TAB2: variants seen among roughly 807,000 people sequenced by gnomAD.
TAB2 encodes the protein TGF-beta-activated kinase 1 and MAP3K7-binding protein 2.
Under a neutral mutation model 65.0 loss-of-function variants are expected in TAB2, and 3 were observed. The observed-to-expected ratio is 0.05, with a 90% confidence interval of 0.02 to 0.12. The LOEUF (loss-of-function observed/expected upper bound fraction) is 0.12. Ranked by LOEUF, TAB2 falls within the 10% of genes least tolerant of loss-of-function variation. TAB2 has a pLI of 1.00. For missense variants in TAB2, 623 were observed against 840.3 expected, an observed-to-expected ratio of 0.74 and a Z score of 3.20; for synonymous variants, 298 against 285.1, an observed-to-expected ratio of 1.05 and a Z score of -0.46.
At chr6:149,303,348 A>G (rs1779002348) in intron 1 of TAB2, among the ~76,000 whole-genome samples, 1 of 152,194 alleles carries the variant, frequency 6.6e-6, no homozygotes, top group South Asian at 2.1e-4. Flanking sequence ...ACCGGTCCCT[A>G]GTGCTAAAAA....
chr6:149,321,797 G>C (rs1019895980), intron 1 of TAB2, among the ~76,000 whole-genome samples: 1 of 152,132 alleles, frequency 6.6e-6, no homozygotes, highest in Non-Finnish European at 1.5e-5. Flanking sequence ...AATTGTGTAT[G>C]TTATATGAAT....
chr6:149,350,127 T>C (rs1213780787), intron 1 of TAB2, among the ~76,000 whole-genome samples: 1 of 152,110 alleles, frequency 6.6e-6, no homozygotes, highest in Non-Finnish European at 1.5e-5. Flanking sequence ...AGACAGGGTT[T>C]CACCATGTTG....
chr6:149,290,420 C>T (rs751719415), intron 1 of TAB2, among the ~76,000 whole-genome samples: 1 of 152,214 alleles, frequency 6.6e-6, no homozygotes, highest in Admixed American at 6.5e-5. Context: ...ACAATTATCA[C>T]CATCCTATAG....
At chr6:149,335,622 C>CT (rs1200807340) in intron 1 of TAB2, among the ~76,000 whole-genome samples, 1 of 152,058 alleles carries the variant, frequency 6.6e-6, no homozygotes, top group Non-Finnish European at 1.5e-5. Context: ...GATCCTCTTG[C>CT]TTTGGTCTCC....
At chr6:149,335,511 A>C (rs1338785264) in intron 1 of TAB2, among the ~76,000 whole-genome samples, 1 of 151,872 alleles carries the variant, frequency 6.6e-6, no homozygotes, top group Non-Finnish European at 1.5e-5. Context: ...GGGACTACAG[A>C]CACCAGCCAC....
Position 149,303,341 on chromosome 6 carries a change from G to A in TAB2, c.-120-74677G>A, listed in dbSNP as rs56001917. Reference sequence around the variant, plus strand: ...TGGAAAAACTGTCTTCCACAAAACCGGTCCCTAGTGCTAAAAATGTTGAGG... The same window carrying A: ...TGGAAAAACTGTCTTCCACAAAACCAGTCCCTAGTGCTAAAAATGTTGAGG... On this transcript the variant is annotated intron_variant, in intron 1 of 1. Coordinates refer to the TAB2 transcript ENST00000606202. Among the ~76,000 whole-genome samples, 397 of 152,168 alleles carry A rather than the reference G, an allele frequency of 2.6e-3. 3 individuals carry two copies. The highest frequency in any genetic ancestry group is 8.4e-3 in the African/African-American group (350 of 41,530).
intron 1 of TAB2, among the ~76,000 whole-genome samples, chr6:149,233,192 G>C (rs943599552): frequency 9.9e-5 from 15 of 152,240 alleles, no homozygotes; most frequent in Middle Eastern, 3.4e-3. Flanking sequence ...CTACCTGGCG[G>C]GGGGTGAGAA....
chr6:149,320,365 C>G (rs2114725779), intron 1 of TAB2, among the ~76,000 whole-genome samples: 1 of 152,326 alleles, frequency 6.6e-6, no homozygotes, highest in South Asian at 2.1e-4. Flanking sequence ...GGTTTTTAAA[C>G]TCCGCAGTTA....
chr6:149,234,367 AAAGT>A (rs1448849696), intron 1 of TAB2, among the ~76,000 whole-genome samples: 1 of 152,118 alleles, frequency 6.6e-6, no homozygotes, highest in African/African-American at 2.4e-5. Context: ...TGCCAGGAGG[AAAGT>A]AAGAGGCTGA....
rs764100688 is a variant in TAB2 at position 149,378,620 on chromosome 6, G to C, written c.705G>C (p.Trp235Cys). Reference sequence around the variant, plus strand: ...GACAGACACAACAGCATTCTGGCTGGGTATCTCAGTTTAATCCCATGAACC... The same window carrying C: ...GACAGACACAACAGCATTCTGGCTGCGTATCTCAGTTTAATCCCATGAACC... Reference protein sequence around the residue: ...TTRQTQQHSGWVSQFNPMNPQ... With the variant: ...TTRQTQQHSGCVSQFNPMNPQ... The change falls in exon 3 of 7, where the codon TGG becomes TGC. Residue 235 changes from tryptophan to cysteine, a missense_variant. Trp to Cys is a radical substitution (Grantham distance 215). Around this residue, in one of 3 missense-constraint regions of TAB2, gnomAD observed 550 missense variants for 665.7 expected, o/e 0.83. Coordinates refer to ENST00000637181, the MANE Select transcript of TAB2 (RefSeq NM_001292034.3). The C allele has an allele frequency of 6.2e-7, 1 of 1,613,234 alleles. No individual in the cohort carries two copies. Among genetic ancestry groups the C allele is most frequent in the Non-Finnish European group, 8.5e-7 (1 of 1,180,018 alleles).
intron 1 of TAB2, among the ~76,000 whole-genome samples, chr6:149,287,397 C>T (rs192065871): frequency 1.9e-3 from 294 of 151,858 alleles, no homozygotes; most frequent in African/African-American, 6.7e-3. Flanking sequence ...TAGAAATGCT[C>T]CCAGAAATAT....
intron 1 of TAB2, among the ~76,000 whole-genome samples, chr6:149,233,145 C>T (rs1777436043): frequency 6.6e-6 from 1 of 152,162 alleles, no homozygotes; most frequent in Non-Finnish European, 1.5e-5. Flanking sequence ...CAAATGATGA[C>T]AGGAAATAAC....
At chr6:149,294,433 C>A (rs563940172) in intron 1 of TAB2, among the ~76,000 whole-genome samples, 2 of 152,142 alleles carry the variant, frequency 1.3e-5, no homozygotes, top group South Asian at 4.1e-4. Flanking sequence ...TTGAAAAGAC[C>A]GTATCTTTAA....
In TAB2 at chr6:149,307,351, A is replaced by G. The variant is rs537553752; in HGVS notation, c.-120-70667A>G. The stretch of plus-strand genomic sequence containing the variant: ...GTTCTCTTGCACCCTAAAGCCTACT[A>G]TTTGGGGAAATTTATGAAGTTTGGG... On this transcript the variant is annotated intron_variant, in intron 1 of 1. Coordinates refer to the TAB2 transcript ENST00000606202. Among the ~76,000 whole-genome samples, 4 of 152,254 alleles carry G rather than the reference A, an allele frequency of 2.6e-5. No individual in the cohort carries two copies. In the South Asian group the frequency reaches 8.3e-4, roughly 32 times the overall value.
At position 149,393,129 on chromosome 6, in the gene TAB2, A is replaced by T. The variant is rs192263310; in HGVS notation, c.1604-4475A>T. 5.5e-4 allele frequency among the ~76,000 whole-genome samples: 84 copies of T among 152,342 alleles called. No homozygotes were observed. In the East Asian group the frequency reaches 0.014, roughly 26 times the overall value. Reference sequence around the variant, plus strand: ...ACTTAGAAGAAAAAATTGCTAAGAAATAGAGAACCACTTTCCTAGTATATT... The same window carrying T: ...ACTTAGAAGAAAAAATTGCTAAGAATTAGAGAACCACTTTCCTAGTATATT... On this transcript the variant is annotated intron_variant, in intron 3 of 6. Coordinates refer to ENST00000637181, the MANE Select transcript of TAB2 (RefSeq NM_001292034.3).
At chr6:149,287,512 A>T (rs964255911) in intron 1 of TAB2, among the ~76,000 whole-genome samples, 1 of 146,670 alleles carries the variant, frequency 6.8e-6, no homozygotes, top group African/African-American at 2.5e-5. Flanking sequence ...AGTATTAGAA[A>T]ATTGTGACTT....
At chr6:149,373,208 A>G (rs1384761542) in intron 2 of TAB2, among the ~76,000 whole-genome samples, 5 of 152,262 alleles carry the variant, frequency 3.3e-5, no homozygotes, top group Admixed American at 6.5e-5. Context: ...CTGAAAACTT[A>G]GAAGAATGTG....
At chr6:149,246,289 A>G (rs1777715379) in intron 1 of TAB2, 1 of 152,242 alleles carries the variant, frequency 6.6e-6, no homozygotes. Flanking sequence ...TGCTCCTAAA[A>G]GCAAATGGTC....
chr6:149,383,418 C>T (rs550323121), intron 3 of TAB2, among the ~76,000 whole-genome samples: 76 of 152,322 alleles, frequency 5.0e-4, no homozygotes, highest in African/African-American at 1.4e-3. Flanking sequence ...AACCTTTAAA[C>T]ATACCTACAT....
Sources: gnomAD v4.1 joint callset for allele counts (sites outside exome capture counted in the v4.1 genomes callset) on GRCh38, gnomAD v4.1.1 for gene constraint, gnomAD v4.1.1 regional missense constraint, MANE v1.5 for transcripts, NCBI Gene and HGNC (gene_info 2026-07-23, HGNC 2026-07-21) for gene names.